ZNF225: variants seen among roughly 807,000 people sequenced by gnomAD.
ZNF225 encodes zinc finger protein 225.
In ZNF225, 6 loss-of-function variants were observed where a neutral mutation model predicts 12.0. That is an observed-to-expected ratio of 0.50 (90% CI 0.27 to 0.98). ZNF225 has a LOEUF of 0.98. Ranked by LOEUF, ZNF225 falls within the 50% of genes least tolerant of loss-of-function variation. ZNF225 has a pLI of 0.11. For synonymous variants in ZNF225, 271 were observed against 283.2 expected, an observed-to-expected ratio of 0.96 and a Z score of 0.43; for missense variants, 763 against 848.2, an observed-to-expected ratio of 0.90 and a Z score of 1.25.
rs1305538465 is a variant in ZNF225 at position 44,131,482 on chromosome 19, T to C, written c.868T>C (p.Cys290Arg). The change falls in exon 5 of 5, where the codon TGT (cysteine) becomes CGT (arginine). Residue 290 changes from cysteine (C) to arginine (R), a missense_variant. Cys to Arg is a radical substitution (Grantham distance 180). Coordinates refer to ENST00000262894, the MANE Select transcript of ZNF225 (RefSeq NM_013362.4). ...CCATACTGGGGAGAAGCCATTCAAA[T>C]GTGATATATGTTGTAAGAGCTTCCG... ...RIHTGEKPFK[C>R]DICCKSFRSR... The C allele has an allele frequency of 1.9e-6, 3 of 1,614,178 alleles. No homozygotes were observed. The highest frequency in any genetic ancestry group is 2.5e-6 in the Non-Finnish European group (3 of 1,180,010).
At chr19:44,120,787 T>C (rs1968036927) in intron 4 of ZNF225, among the ~76,000 whole-genome samples, 2 of 152,228 alleles carry the variant, frequency 1.3e-5, no homozygotes, top group Non-Finnish European at 2.9e-5. Context: ...CTTTAGCGAC[T>C]TGTGAGAATT....
chr19:44,120,301 T>C (rs1350100141), intron 4 of ZNF225, among the ~76,000 whole-genome samples: 1 of 152,218 alleles, frequency 6.6e-6, no homozygotes, highest in Non-Finnish European at 1.5e-5. Flanking sequence ...TACCTGTCAC[T>C]TTTACCCCCA....
chr19:44,120,368 A>G (rs1308386200), intron 4 of ZNF225, among the ~76,000 whole-genome samples: 1 of 152,202 alleles, frequency 6.6e-6, no homozygotes, highest in African/African-American at 2.4e-5. Context: ...CTGTCTATTC[A>G]CAGGCTAGAA....
chr19:44,129,195 A>AT (rs1286378176), intron 4 of ZNF225: 111 of 919,874 alleles, frequency 1.2e-4, no homozygotes, highest in Non-Finnish European at 1.5e-4. Context: ...GTAGACATAA[A>AT]TACTCCTAGG....
chr19:44,132,255 G>A lies in ZNF225; in HGVS notation c.1641G>A (p.Lys547=), dbSNP rs982159182. The change falls in exon 5 of 5, where the codon AAG becomes AAA. Residue 547 remains lysine, a synonymous_variant. Coordinates refer to ENST00000262894, the MANE Select transcript of ZNF225 (RefSeq NM_013362.4). ...CATACAAATGTGAAGAGTGTGGGAA[G>A]GGCTTCAACAGTAAGTTTAATCTTG... is the stretch of plus-strand genomic sequence containing the variant. The part of the protein sequence containing the change: ...VKPYKCEECG[K]GFNSKFNLDM... 3 of 1,613,884 alleles carry A rather than the reference G, an allele frequency of 1.9e-6. No homozygotes were observed. In the African/African-American group the frequency reaches 4.0e-5, roughly 22 times the overall value.
At chr19:44,129,013 G>T (rs1290124797) in intron 4 of ZNF225, 1 of 1,218,214 alleles carries the variant, frequency 8.2e-7, no homozygotes, top group East Asian at 3.2e-5. Context: ...GTCTCATCAG[G>T]ATCATCCCCC....
At chr19:44,118,041 A>G in intron 2 of ZNF225, 147 bp from the exon 3 acceptor site, 3 of 671,364 alleles carry the variant, frequency 4.5e-6, no homozygotes, top group Non-Finnish European at 6.1e-6. Flanking sequence ...AATAAAATAA[A>G]ATAATAAAAA....
At chr19:44,115,240 G>T (rs1256777759) in intron 1 of ZNF225, among the ~76,000 whole-genome samples, 1 of 152,114 alleles carries the variant, frequency 6.6e-6, no homozygotes, top group East Asian at 1.9e-4. Flanking sequence ...CCCATTTCGT[G>T]TGTACACTTT....
chr19:44,116,688 G>A (rs79484761), intron 2 of ZNF225, among the ~76,000 whole-genome samples: 4,269 of 152,222 alleles, frequency 0.028, 206 homozygotes, highest in African/African-American at 0.095. Flanking sequence ...AATTGAGATG[G>A]CCAATAAATA....
At chr19:44,127,521 G>A (rs542072600) in intron 4 of ZNF225, among the ~76,000 whole-genome samples, 3 of 152,296 alleles carry the variant, frequency 2.0e-5, no homozygotes, top group Non-Finnish European at 2.9e-5. Context: ...CGCACTGTCC[G>A]TCTGAGTTGG....
At chr19:44,117,112 T>TA (rs1174504617) in intron 2 of ZNF225, among the ~76,000 whole-genome samples, 2 of 152,204 alleles carry the variant, frequency 1.3e-5, no homozygotes, top group East Asian at 1.9e-4. Flanking sequence ...ACAATAATAA[T>TA]AAAAAAAATT....
chr19:44,112,995 A>G (rs1204002854), upstream of ZNF225: 1 of 152,166 alleles, frequency 6.6e-6, no homozygotes, highest in Non-Finnish European at 1.5e-5. Context: ...AACAGTTCAC[A>G]TTCCCCACTA....
Position 44,131,165 on chromosome 19 carries a change from G to A in ZNF225, c.551G>A (p.Ser184Asn), listed in dbSNP as rs1362161937. ...CATACATGTGATGAATGTGGAAAGA[G>A]TTTCTGTTATAGCTCAGCTCTTCGT... ...KSHTCDECGKSFCYSSALRIH... is the reference protein window; with the variant it reads ...KSHTCDECGKNFCYSSALRIH... Residue 184 changes from serine (S) to asparagine (N), a missense_variant, in exon 5 of 5, where the codon AGT becomes AAT. Ser to Asn is a conservative substitution (Grantham distance 46). Coordinates refer to ENST00000262894, the MANE Select transcript of ZNF225 (RefSeq NM_013362.4). 1.2e-6 allele frequency: 2 copies of A among 1,614,078 alleles called. No homozygotes were observed. Among genetic ancestry groups the A allele is most frequent in the African/African-American group, 2.7e-5 (2 of 74,938 alleles).
chr19:44,120,113 A>G (rs1968023995), intron 4 of ZNF225, among the ~76,000 whole-genome samples: 1 of 152,156 alleles, frequency 6.6e-6, no homozygotes, highest in Non-Finnish European at 1.5e-5. Flanking sequence ...GTTACTCGGG[A>G]GGCTGAGGCA....
At chr19:44,116,069 C>T (rs1054857107) in intron 2 of ZNF225, among the ~76,000 whole-genome samples, 1 of 152,138 alleles carries the variant, frequency 6.6e-6, no homozygotes, top group African/African-American at 2.4e-5. Flanking sequence ...ATCATCTTGG[C>T]CAGGCTGTTC....
chr19:44,128,958 C>T (rs751183473), intron 4 of ZNF225: 1 of 795,554 alleles, frequency 1.3e-6, no homozygotes, highest in South Asian at 6.4e-5. Context: ...GGGCATGACC[C>T]CTTAGGCGTT....
In ZNF225 at chr19:44,132,522, C is replaced by G. The variant is rs528467684; in HGVS notation, c.1908C>G (p.Ala636=). The change falls in exon 5 of 5, where the codon GCC becomes GCG. Residue 636 remains alanine, a synonymous_variant. Coordinates refer to ENST00000262894, the MANE Select transcript of ZNF225 (RefSeq NM_013362.4). ...CEKCGKSFRW[A]STHLTHQRLH... The stretch of plus-strand genomic sequence containing the variant: ...AGTGTGGAAAGAGCTTCAGATGGGC[C>G]TCAACTCATCTAACCCATCAGAGAC... 6.8e-6 allele frequency: 11 copies of G among 1,613,936 alleles called. No homozygotes were observed. Among genetic ancestry groups the G allele is most frequent in the Non-Finnish European group, 2.5e-6 (3 of 1,180,012 alleles).
At chr19:44,128,964 G>A in intron 4 of ZNF225, 6 of 875,288 alleles carry the variant, frequency 6.9e-6, no homozygotes, top group Non-Finnish European at 7.5e-6. Context: ...GACCCCTTAG[G>A]CGTTCTTTTC....
At chr19:44,128,044 C>T (rs1424350419) in intron 4 of ZNF225, among the ~76,000 whole-genome samples, 1 of 152,208 alleles carries the variant, frequency 6.6e-6, no homozygotes, top group African/African-American at 2.4e-5. Context: ...CAGAAAATAA[C>T]CAGCTTTCCA....
Sources: allele counts gnomAD v4.1 joint callset (sites outside exome capture counted in the v4.1 genomes callset), GRCh38; gene constraint gnomAD v4.1.1; transcripts MANE v1.5; gene names NCBI Gene and HGNC (gene_info 2026-07-23, HGNC 2026-07-21).